CLVS1: variants seen among roughly 807,000 people sequenced by gnomAD.
CLVS1 encodes the protein clavesin 1.
A neutral mutation model predicts 33.1 loss-of-function variants in CLVS1; 10 were observed. The ratio of observed to expected loss-of-function variants is 0.30; its 90% confidence interval spans 0.19 to 0.51. The LOEUF (loss-of-function observed/expected upper bound fraction) is 0.51. Ranked by LOEUF, CLVS1 falls within the 20% of genes least tolerant of loss-of-function variation. The pLI is 0.97. For missense variants in CLVS1, 343 were observed against 433.4 expected, an observed-to-expected ratio of 0.79 and a Z score of 1.85; for synonymous variants, 163 against 166.1, an observed-to-expected ratio of 0.98 and a Z score of 0.14.
chr8:61,068,780 G>A (rs148315299), intron 1 of CLVS1, among the ~76,000 whole-genome samples: 1 of 152,232 alleles, frequency 6.6e-6, no homozygotes, highest in Non-Finnish European at 1.5e-5. Context: ...CTCTTGTCCT[G>A]TGCCCCTTCC....
the CLVS1 span, among the ~76,000 whole-genome samples, chr8:60,982,466 A>G: frequency 1.3e-5 from 2 of 152,200 alleles, no homozygotes; most frequent in Non-Finnish European, 2.9e-5. Flanking sequence ...GGGCCAATAA[A>G]TGTCAAATTT....
At chr8:61,251,779 T>C (rs1028166572) in intron 2 of CLVS1, among the ~76,000 whole-genome samples, 1 of 152,200 alleles carries the variant, frequency 6.6e-6, no homozygotes, top group South Asian at 2.1e-4. Context: ...TAATTTTTTA[T>C]TGTATCTATT....
At chr8:61,483,394 A>G (rs1351295919) in intron 5 of CLVS1, among the ~76,000 whole-genome samples, 1 of 152,240 alleles carries the variant, frequency 6.6e-6, no homozygotes, top group Non-Finnish European at 1.5e-5. Flanking sequence ...TAAACCAGGA[A>G]GAAGTTGAAT....
chr8:61,019,262 T>C, the CLVS1 span, among the ~76,000 whole-genome samples: 1 of 152,328 alleles, frequency 6.6e-6, no homozygotes, highest in South Asian at 2.1e-4. Context: ...GCAAGGAGTA[T>C]GCTGTGTTCC....
At position 61,257,392 on chromosome 8, in the gene CLVS1, T is replaced by C. The variant is rs537618286; in HGVS notation, c.-151-42285T>C. 5.8e-4 allele frequency among the ~76,000 whole-genome samples: 89 copies of C among 152,344 alleles called. 2 individuals carry two copies. Among genetic ancestry groups the C allele is most frequent in the Non-Finnish European group, 7.8e-4 (53 of 68,042 alleles). On this transcript the variant is annotated intron_variant, in intron 2 of 2. Coordinates refer to the CLVS1 transcript ENST00000522621. ...TTAAGATTTTATTAAGTTTTAAATA[T>C]GTTTTAACTCAAGACCAGAAACACT...
At chr8:61,149,127 A>T (rs535209392) in intron 2 of CLVS1, among the ~76,000 whole-genome samples, 104 of 152,336 alleles carry the variant, frequency 6.8e-4, no homozygotes, top group Non-Finnish European at 1.3e-3. Context: ...CCATGAAGCA[A>T]GGGCCTTGTC....
intron 4 of CLVS1, among the ~76,000 whole-genome samples, chr8:61,456,719 A>G (rs182571693): frequency 0.011 from 1,693 of 151,990 alleles, 36 homozygotes; most frequent in African/African-American, 0.039. Context: ...GATCGAGACC[A>G]TCCTGGCTAT....
upstream of CLVS1, among the ~76,000 whole-genome samples, chr8:61,054,851 A>T (rs1366949671): frequency 6.6e-6 from 1 of 152,130 alleles, no homozygotes; most frequent in African/African-American, 2.4e-5. Flanking sequence ...TCCAGTGATC[A>T]TTTCTAGCTA....
intron 2 of CLVS1, among the ~76,000 whole-genome samples, chr8:61,303,525 C>T (rs1810509694): frequency 6.6e-6 from 1 of 152,168 alleles, no homozygotes; most frequent in African/African-American, 2.4e-5. Context: ...TCAAAGTAAT[C>T]TCTTTTTGCA....
chr8:61,476,044 T>G (rs1817914072), intron 5 of CLVS1, among the ~76,000 whole-genome samples: 1 of 152,000 alleles, frequency 6.6e-6, no homozygotes, highest in Non-Finnish European at 1.5e-5. Flanking sequence ...CACCATTTAT[T>G]AAATAGGGAA....
At chr8:61,025,573 G>A in the CLVS1 span, among the ~76,000 whole-genome samples, 1 of 152,210 alleles carries the variant, frequency 6.6e-6, no homozygotes, top group Non-Finnish European at 1.5e-5. Context: ...GTTGAAGTTC[G>A]AGGTGAAATC....
intron 5 of CLVS1, among the ~76,000 whole-genome samples, chr8:61,463,241 G>A (rs1033325729): frequency 1.3e-5 from 2 of 152,126 alleles, no homozygotes; most frequent in South Asian, 4.1e-4. Flanking sequence ...TCTGAATTAG[G>A]CTTTGGCTTA....
At chr8:61,238,559 A>G (rs915065561) in intron 2 of CLVS1, among the ~76,000 whole-genome samples, 4 of 152,194 alleles carry the variant, frequency 2.6e-5, no homozygotes, top group African/African-American at 9.7e-5. Flanking sequence ...TCTGTTCTCC[A>G]GATGGATAGA....
intron 5 of CLVS1, among the ~76,000 whole-genome samples, chr8:61,468,740 G>T (rs1020271245): frequency 1.9e-5 from 2 of 104,986 alleles, no homozygotes; most frequent in Non-Finnish European, 3.5e-5. Flanking sequence ...AAAAAAAAAA[G>T]GTAGTTACTA....
At chr8:60,998,720 G>C in the CLVS1 span, among the ~76,000 whole-genome samples, 1 of 152,250 alleles carries the variant, frequency 6.6e-6, no homozygotes, top group East Asian at 1.9e-4. Context: ...AATTTAAAAA[G>C]GAAGAATCCA....
the CLVS1 span, among the ~76,000 whole-genome samples, chr8:61,040,251 G>A: frequency 4.2e-5 from 6 of 143,600 alleles, no homozygotes; most frequent in Non-Finnish European, 8.9e-5. Context: ...CCATTGATGT[G>A]CACCTGGATT....
chr8:61,282,122 C>G (rs1029973518), intron 2 of CLVS1, among the ~76,000 whole-genome samples: 4 of 152,204 alleles, frequency 2.6e-5, no homozygotes, highest in African/African-American at 9.7e-5. Flanking sequence ...ATGAAAGCAT[C>G]TTAACTGAGC....
chr8:61,097,679 T>C (rs1437772253), intron 1 of CLVS1, among the ~76,000 whole-genome samples: 1 of 152,194 alleles, frequency 6.6e-6, no homozygotes, highest in African/African-American at 2.4e-5. Flanking sequence ...AAACCTCATC[T>C]CCACTATTAA....
intron 1 of CLVS1, among the ~76,000 whole-genome samples, chr8:61,108,182 C>T (rs988478002): frequency 7.0e-6 from 1 of 142,108 alleles, no homozygotes; most frequent in Non-Finnish European, 1.5e-5. Flanking sequence ...CATGCCACTG[C>T]ACTGCAGCCT....
Sources: gnomAD v4.1 joint callset for allele counts (sites outside exome capture counted in the v4.1 genomes callset) on GRCh38, gnomAD v4.1.1 for gene constraint, MANE v1.5 for transcripts, NCBI Gene and HGNC (gene_info 2026-07-23, HGNC 2026-07-21) for gene names.